RAI1: variants seen among roughly 807,000 people sequenced by gnomAD.
RAI1 encodes the protein retinoic acid induced 1.
A neutral mutation model predicts 123.8 loss-of-function variants in RAI1; 9 were observed. The observed-to-expected ratio is 0.07, with a 90% CI of 0.04 to 0.13. The LOEUF (loss-of-function observed/expected upper bound fraction) is 0.13, where lower values mean the gene tolerates loss of function less well. Among genes scored for constraint, RAI1 ranks in the 10% least tolerant of loss-of-function variants. The pLI, the probability that RAI1 is intolerant of heterozygous loss-of-function variation, is 1.00. For missense variants in RAI1, 2,256 were observed against 2,545.8 expected (o/e 0.89, Z 2.45); for synonymous variants, 1,231 against 1,127.3 (o/e 1.09, Z -1.84).
At position 17,795,648 on chromosome 17, in the gene RAI1, C is replaced by T. The variant is rs370400740; in HGVS notation, c.2700C>T (p.Thr900=). ...CACCCAAGGCCCCACTCATCTGCACCAAGGAGGAGGTGGAGGAGGTGCTGG... is the reference window on the plus strand; with the variant it reads ...CACCCAAGGCCCCACTCATCTGCACTAAGGAGGAGGTGGAGGAGGTGCTGG... ...PLSPKAPLIC[T]KEEVEEVLDS... is the part of the protein sequence containing the mutation. The change falls in exon 3 of 6, where the codon ACC becomes ACT. Residue 900 remains threonine, a synonymous_variant. Transcript: ENST00000353383. The surrounding 1 kb of genome is among the most constrained non-coding windows in gnomAD (Gnocchi z 5.9). 1.3e-5 allele frequency: 21 copies of T among 1,613,132 alleles called. No homozygotes were observed. The highest frequency in any genetic ancestry group is 1.8e-5 in the Non-Finnish European group (21 of 1,179,942).
chr17:17,725,796 T>G (rs2142936457), intron 2 of RAI1, among the ~76,000 whole-genome samples: 1 of 151,860 alleles, frequency 6.6e-6, no homozygotes. Context: ...CCCAGGCAGG[T>G]GAAGGCAATT....
At chr17:17,721,799 A>C (rs1293480112) in intron 1 of RAI1, among the ~76,000 whole-genome samples, 1 of 152,186 alleles carries the variant, frequency 6.6e-6, no homozygotes, top group Non-Finnish European at 1.5e-5. Context: ...GCAGTCTGAC[A>C]TTTTAAATAT....
intron 2 of RAI1, among the ~76,000 whole-genome samples, chr17:17,735,228 A>G (rs1266860624): frequency 7.0e-6 from 1 of 142,756 alleles, no homozygotes; most frequent in Non-Finnish European, 1.5e-5. Context: ...AATATTTTGT[A>G]TTTTTGGTAG....
chr17:17,737,828 T>C (rs1471020258), intron 2 of RAI1, among the ~76,000 whole-genome samples: 1 of 152,180 alleles, frequency 6.6e-6, no homozygotes, highest in East Asian at 1.9e-4. Context: ...GAAGCAGATA[T>C]TGAGGCCTGT....
chr17:17,772,485 C>T (rs754910866), intron 2 of RAI1, among the ~76,000 whole-genome samples: 27 of 152,328 alleles, frequency 1.8e-4, no homozygotes, highest in Non-Finnish European at 3.4e-4. Flanking sequence ...TGGGGCTCCC[C>T]GTGGCCCTCA....
chr17:17,746,129 C>T (rs577637565), intron 2 of RAI1, among the ~76,000 whole-genome samples: 11 of 152,156 alleles, frequency 7.2e-5, no homozygotes, highest in African/African-American at 1.7e-4. Flanking sequence ...AAACGGCAGC[C>T]GGCGGGGCCT....
Position 17,810,134 on chromosome 17 carries a change from G to A in RAI1, c.*153G>A. ...GATCCGGGTCCCGGATCGTGGATCC[G>A]GCCGCCTAGGGCTCAGACTTGCGGC... On this transcript the variant is annotated 3_prime_UTR_variant, in exon 6 of 6. Transcript: ENST00000353383. The surrounding 1 kb of genome is among the most constrained non-coding windows in gnomAD (Gnocchi z 4.6). The A allele has an allele frequency of 5.5e-6, 6 of 1,099,140 alleles. No individual in the cohort carries two copies. The highest frequency in any genetic ancestry group is 7.5e-6 in the Non-Finnish European group (6 of 797,326). 68.1% of individuals were successfully genotyped at this position (1,099,140 alleles called of 1,614,324 possible).
chr17:17,795,369 C>T lies in RAI1; in HGVS notation c.2421C>T (p.Pro807=), dbSNP rs549007649. ...DPPGEKVASL[P]GDFKQEEVGG... ...CTGGGGAGAAGGTGGCCTCGTTGCC[C>T]GGGGACTTCAAGCAGGAGGAGGTGG... Residue 807 remains proline, a synonymous_variant, in exon 3 of 6, where the codon CCC becomes CCT. Coordinates refer to ENST00000353383, the MANE Select transcript of RAI1 (RefSeq NM_030665.4). The surrounding 1 kb of genome is among the most constrained non-coding windows in gnomAD (Gnocchi z 5.9). 43 of 1,594,722 alleles carry T rather than the reference C, an allele frequency of 2.7e-5. No homozygotes were observed. The highest frequency in any genetic ancestry group is 6.7e-5 in the African/African-American group (5 of 74,550).
At chr17:17,758,114 C>G (rs536998084) in intron 2 of RAI1, among the ~76,000 whole-genome samples, 1 of 152,320 alleles carries the variant, frequency 6.6e-6, no homozygotes, top group South Asian at 2.1e-4. Flanking sequence ...TTAACGCTGA[C>G]AGTAAATTCC....
intron 1 of RAI1, among the ~76,000 whole-genome samples, chr17:17,715,659 G>A (rs765520702): frequency 5.9e-5 from 9 of 152,008 alleles, no homozygotes; most frequent in Non-Finnish European, 1.3e-4. Flanking sequence ...TGTCCCTCCC[G>A]CTCCTGACCT....
chr17:17,790,364 T>C (rs1330290081), intron 2 of RAI1, among the ~76,000 whole-genome samples: 1 of 152,230 alleles, frequency 6.6e-6, no homozygotes, highest in African/African-American at 2.4e-5. Flanking sequence ...CCATCAGCAC[T>C]GGGCTTCTCG....
intron 1 of RAI1, among the ~76,000 whole-genome samples, chr17:17,701,097 A>G (rs536833934): frequency 3.3e-5 from 5 of 151,950 alleles, no homozygotes; most frequent in African/African-American, 9.7e-5. Context: ...TGCGCCTCCA[A>G]CAAGATGAGC....
intron 2 of RAI1, among the ~76,000 whole-genome samples, chr17:17,734,513 C>A (rs1916363671): frequency 6.6e-6 from 1 of 152,138 alleles, no homozygotes; most frequent in Non-Finnish European, 1.5e-5. Context: ...AATTGGGAGG[C>A]CTAACAAATG....
intron 2 of RAI1, among the ~76,000 whole-genome samples, chr17:17,773,702 T>C (rs1296482201): frequency 3.3e-5 from 5 of 152,110 alleles, no homozygotes; most frequent in Non-Finnish European, 7.4e-5. Context: ...CCAGGAAATA[T>C]GGGGCTTAGA....
chr17:17,809,074 C>T lies in RAI1; in HGVS notation c.5660-316C>T, dbSNP rs1598101705. 9.7e-5 allele frequency: 44 copies of T among 451,992 alleles called. 4 individuals carry two copies. The highest frequency in any genetic ancestry group is 8.8e-4 in the South Asian group (42 of 47,566). The allele number at this position is 451,992 out of a possible 1,614,324, so 28.0% of individuals were successfully genotyped here. On this transcript the variant is annotated intron_variant, in intron 4 of 5. Transcript: ENST00000353383. The surrounding 1 kb of genome is among the most constrained non-coding windows in gnomAD (Gnocchi z 4.9). The stretch of plus-strand genomic sequence containing the variant: ...AGGAGGCAGTGACAAGTGTGGCTGG[C>T]AGAGTAAGGCGGGAGGGAGGGAGGG...
intron 1 of RAI1, among the ~76,000 whole-genome samples, chr17:17,693,362 C>T (rs1057468371): frequency 1.3e-5 from 2 of 152,264 alleles, no homozygotes; most frequent in Non-Finnish European, 2.9e-5. Flanking sequence ...GGCAGCCTTC[C>T]TGATTGACAA....
intron 2 of RAI1, among the ~76,000 whole-genome samples, chr17:17,752,122 C>A (rs1215991970): frequency 1.3e-5 from 2 of 152,314 alleles, no homozygotes; most frequent in East Asian, 3.9e-4. Flanking sequence ...GTCTTGCAGC[C>A]CTGTGGGGAG....
chr17:17,780,159 A>G (rs1443957339), intron 2 of RAI1, among the ~76,000 whole-genome samples: 2 of 147,650 alleles, frequency 1.4e-5, no homozygotes, highest in African/African-American at 5.0e-5. Context: ...TCCGCCTCCC[A>G]GGTTCAAGCA....
chr17:17,795,949 C>A lies in RAI1; in HGVS notation c.3001C>A (p.Arg1001Ser). The stretch of plus-strand genomic sequence containing the variant: ...GCCACGGGGCAAAAGCTTACGGAGC[C>A]GTCGGGTGCACCGGGGGCTGCCCGA... ...PVPRGKSLRS[R>S]RVHRGLPEAE... The change falls in exon 3 of 6, where the codon CGT becomes AGT. Residue 1001 changes from arginine (R) to serine (S), a missense_variant. Transcript: ENST00000353383. This position sits in a 1 kb window ranked among gnomAD's most constrained non-coding sequence, Gnocchi z 5.9. The A allele has an allele frequency of 6.2e-7, 1 of 1,606,468 alleles. No homozygotes were observed. The highest frequency in any genetic ancestry group is 1.3e-5 in the African/African-American group (1 of 74,988).
Sources: gnomAD v4.1 joint callset for allele counts (sites outside exome capture counted in the v4.1 genomes callset) on GRCh38, gnomAD v4.1.1 for gene constraint, Gnocchi (gnomAD v3.1) non-coding constraint, MANE v1.5 for transcripts, NCBI Gene and HGNC (gene_info 2026-07-23, HGNC 2026-07-21) for gene names.